Variants in GPCPD1 observed in about 807,000 individuals in gnomAD.
The protein encoded by GPCPD1 is glycerophosphocholine phosphodiesterase 1, also known as glycerophosphocholine phosphodiesterase GPCPD1.
GPCPD1 carries 29 observed loss-of-function variants against 89.2 expected under a neutral mutation model. That is an observed-to-expected ratio of 0.33 (90% CI 0.24 to 0.44). The LOEUF is 0.44. Among genes scored for constraint, GPCPD1 ranks in the 20% least tolerant of loss-of-function variants. GPCPD1 has a pLI of 1.00. For synonymous variants in GPCPD1, 258 were observed against 266.3 expected, an observed-to-expected ratio of 0.97 and a Z score of 0.30; for missense variants, 594 against 808.9, an observed-to-expected ratio of 0.73 and a Z score of 3.22.
At chr20:5,564,337 A>G (rs1986251726) in intron 15 of GPCPD1, among the ~76,000 whole-genome samples, 1 of 151,756 alleles carries the variant, frequency 6.6e-6, no homozygotes, top group Admixed American at 6.6e-5. Flanking sequence ...TTAAAAAAAA[A>G]AAACCAAAAA....
At chr20:5,603,450 A>G (rs1353838894) in intron 2 of GPCPD1, among the ~76,000 whole-genome samples, 1 of 152,148 alleles carries the variant, frequency 6.6e-6, no homozygotes, top group Admixed American at 6.6e-5. Context: ...GGGGAGTATG[A>G]GAGTGGGCAA....
intron 3 of GPCPD1, among the ~76,000 whole-genome samples, chr20:5,595,624 G>C (rs1979661025): frequency 6.6e-6 from 1 of 151,680 alleles, no homozygotes; most frequent in Non-Finnish European, 1.5e-5. Flanking sequence ...CTGGGTGACA[G>C]AGTGAGATTC....
At chr20:5,548,881 G>A in intron 19 of GPCPD1, 1 of 1,022,978 alleles carries the variant, frequency 9.8e-7, no homozygotes, top group Non-Finnish European at 1.4e-6. Flanking sequence ...ATCCCCCTGT[G>A]AAGAGGAGAA....
At chr20:5,581,814 CTTTTTTTTTTTTTTTTTTTTTTT>C (rs11479995) in intron 6 of GPCPD1, among the ~76,000 whole-genome samples, 3 of 75,010 alleles carry the variant, frequency 4.0e-5, no homozygotes, top group Admixed American at 1.6e-4. Flanking sequence ...GGGACTTTAA[CTTTTTTTTTTTTTTTTTTTTTTT>C]TTTTTTTTTT....
Position 5,584,279 on chromosome 20 carries a change from A to C in GPCPD1, c.349+2T>G, listed in dbSNP as rs1245777433. The stretch of plus-strand genomic sequence containing the variant: ...ACATTTAAGTAAGTCAGTCTCACTT[A>C]CTGTGGATTCCAAATTGTCCATCGT... On this transcript the variant is annotated splice_donor_variant, in intron 6 of 19. Transcript: ENST00000379019. LOFTEE classifies it high-confidence loss of function. 1 of 1,351,242 alleles carries C rather than the reference A, an allele frequency of 7.4e-7. No homozygotes were observed. The highest frequency in any genetic ancestry group is 1.4e-5 in the African/African-American group (1 of 69,606). The allele number at this position is 1,351,242 out of a possible 1,614,324, so 83.7% of individuals were successfully genotyped here. A position where few individuals can be genotyped will look rare whatever the true frequency, so the allele number is the denominator to read the frequency against.
At chr20:5,555,962 A>G (rs1985742700) in intron 19 of GPCPD1, among the ~76,000 whole-genome samples, 1 of 152,226 alleles carries the variant, frequency 6.6e-6, no homozygotes, top group Non-Finnish European at 1.5e-5. Flanking sequence ...GTCCACGGGT[A>G]CAGCAGACTT....
intron 3 of GPCPD1, among the ~76,000 whole-genome samples, chr20:5,595,063 C>G (rs1376432078): frequency 6.6e-6 from 1 of 152,174 alleles, no homozygotes; most frequent in Non-Finnish European, 1.5e-5. Context: ...TCAGCAACCA[C>G]GACTCTGATC....
intron 19 of GPCPD1, chr20:5,549,153 A>T: frequency 1.5e-6 from 1 of 652,088 alleles, no homozygotes; most frequent in Non-Finnish European, 2.9e-6. Flanking sequence ...AAAAACAAAC[A>T]GGGAGGATGA....
Position 5,570,253 on chromosome 20 carries a change from G to C in GPCPD1, c.1057-14C>G. Reference sequence around the variant, plus strand: ...AAAGGCTGCACCCTGACAGAAGGAAGCAAGTATTTGAAAAACATTGCCTGG... The same window carrying C: ...AAAGGCTGCACCCTGACAGAAGGAACCAAGTATTTGAAAAACATTGCCTGG... On this transcript the variant is annotated splice_polypyrimidine_tract_variant and intron_variant, in intron 11 of 19. Coordinates refer to ENST00000379019, the MANE Select transcript of GPCPD1 (RefSeq NM_019593.5). 5 of 1,389,226 alleles carry C rather than the reference G, an allele frequency of 3.6e-6. No homozygotes were observed. Among genetic ancestry groups the C allele is most frequent in the Non-Finnish European group, 5.1e-6 (5 of 982,170 alleles). The allele number at this position is 1,389,226 out of a possible 1,614,324, so 86.1% of individuals were successfully genotyped here.
intron 3 of GPCPD1, among the ~76,000 whole-genome samples, chr20:5,595,314 T>C (rs1568674691): frequency 2.6e-5 from 4 of 151,346 alleles, no homozygotes; most frequent in Non-Finnish European, 5.9e-5. Context: ...AATAAATAAA[T>C]AATAAATAAG....
At chr20:5,579,895 G>A in intron 7 of GPCPD1, 113 bp downstream of exon 7, 1 of 637,146 alleles carries the variant, frequency 1.6e-6, no homozygotes, top group South Asian at 2.2e-5. Flanking sequence ...GTAGTTACTA[G>A]AATATGTAAC....
intron 4 of GPCPD1, among the ~76,000 whole-genome samples, chr20:5,592,968 T>C (rs1180025588): frequency 6.6e-6 from 1 of 152,216 alleles, no homozygotes; most frequent in Non-Finnish European, 1.5e-5. Context: ...TATATACTTC[T>C]CTAAATGTAT....
intron 8 of GPCPD1, among the ~76,000 whole-genome samples, chr20:5,576,495 TG>T (rs1195856942): frequency 2.6e-5 from 4 of 151,972 alleles, no homozygotes; most frequent in Admixed American, 2.6e-4. Flanking sequence ...TGAGAATCTC[TG>T]GGGTAGAACT....
rs1384465068 is a variant in GPCPD1 at position 5,547,138 on chromosome 20, G to C, written c.*523C>G. 6.6e-6 allele frequency: 1 copy of C among 152,606 alleles called. No homozygotes were observed. 9.5% of individuals were successfully genotyped at this position (152,606 alleles called of 1,614,324 possible). ...TCAAGGTTCATACTGAATGAAAATG[G>C]TGTTGTGTGCATGTCAACCCATGTA... On this transcript the variant is annotated 3_prime_UTR_variant, in exon 20 of 20. Coordinates refer to ENST00000379019, the MANE Select transcript of GPCPD1 (RefSeq NM_019593.5).
intron 4 of GPCPD1, among the ~76,000 whole-genome samples, chr20:5,590,309 G>A (rs1979232575): frequency 6.6e-6 from 1 of 151,974 alleles, no homozygotes; most frequent in Non-Finnish European, 1.5e-5. Context: ...GGGAGGCTGT[G>A]GCGGGTGGAT....
At chr20:5,549,281 G>A (rs1985228517) in intron 19 of GPCPD1, 1 of 889,034 alleles carries the variant, frequency 1.1e-6, no homozygotes, top group Non-Finnish European at 1.8e-6. Flanking sequence ...TATATGTGCA[G>A]CTGTTCTTAA....
chr20:5,563,319 A>G (rs1170933721), intron 15 of GPCPD1, among the ~76,000 whole-genome samples: 1 of 151,998 alleles, frequency 6.6e-6, no homozygotes, highest in Non-Finnish European at 1.5e-5. Flanking sequence ...AAAGTGAGTA[A>G]ATGAGTTTGC....
chr20:5,577,434 G>A (rs1242318522), intron 8 of GPCPD1, among the ~76,000 whole-genome samples: 1 of 149,612 alleles, frequency 6.7e-6, no homozygotes, highest in Non-Finnish European at 1.5e-5. Flanking sequence ...GCTGCAGTGA[G>A]CCCTGATCAT....
At chr20:5,608,968 A>C (rs1568685712) in intron 1 of GPCPD1, among the ~76,000 whole-genome samples, 1 of 152,334 alleles carries the variant, frequency 6.6e-6, no homozygotes, top group East Asian at 1.9e-4. Flanking sequence ...AGTTCACACT[A>C]CCTGCCAAAA....
Sources: gnomAD v4.1 joint callset for allele counts (sites outside exome capture counted in the v4.1 genomes callset) on GRCh38, gnomAD v4.1.1 for gene constraint, MANE v1.5 for transcripts, NCBI Gene and HGNC (gene_info 2026-07-23, HGNC 2026-07-21) for gene names.